KCNQ3: variants seen among roughly 807,000 people sequenced by gnomAD.
KCNQ3 encodes the protein potassium voltage-gated channel subfamily Q member 3.
A neutral mutation model predicts 92.5 loss-of-function variants in KCNQ3; 30 were observed. The ratio of observed to expected loss-of-function variants is 0.32; its 90% confidence interval spans 0.24 to 0.44. The LOEUF is 0.44. Ranked by LOEUF, KCNQ3 falls within the 20% of genes least tolerant of loss-of-function variation. The probability of loss-of-function intolerance (pLI) is 1.00; values close to 1 mark genes in which losing one functional copy is unlikely to be tolerated. For synonymous variants in KCNQ3, 450 were observed against 468.8 expected, an observed-to-expected ratio of 0.96 and a Z score of 0.52; for missense variants, 913 against 1,140.3, an observed-to-expected ratio of 0.80 and a Z score of 2.87.
At chr8:132,333,496 T>A (rs1280574550) in intron 1 of KCNQ3, among the ~76,000 whole-genome samples, 1 of 152,112 alleles carries the variant, frequency 6.6e-6, no homozygotes, top group Non-Finnish European at 1.5e-5. Flanking sequence ...TAATACCTTC[T>A]CACTGTAATG....
At chr8:132,205,961 C>T (rs1020644818) in intron 1 of KCNQ3, among the ~76,000 whole-genome samples, 1 of 152,090 alleles carries the variant, frequency 6.6e-6, no homozygotes, top group African/African-American at 2.4e-5. Context: ...GGAGAGAAGA[C>T]TTTGGTATGT....
chr8:132,467,681 T>C (rs1822205163), intron 1 of KCNQ3, among the ~76,000 whole-genome samples: 1 of 152,182 alleles, frequency 6.6e-6, no homozygotes, highest in South Asian at 2.1e-4. Flanking sequence ...AATAAGAAAA[T>C]GTGGCCCTGA....
chr8:132,129,596 G>A lies in KCNQ3; in HGVS notation c.2285C>T (p.Ser762Phe), dbSNP rs756976785. The A allele has an allele frequency of 6.2e-7, 1 of 1,614,188 alleles. No individual in the cohort carries two copies. The highest frequency in any genetic ancestry group is 2.2e-5 in the East Asian group (1 of 44,870). Residue 762 changes from serine (S) to phenylalanine (F), a missense_variant, in exon 15 of 15, where the codon TCC becomes TTC. Physicochemically the swap from Ser to Phe is radical, Grantham distance 155. Transcript: ENST00000388996. The surrounding 1 kb of genome is among the most constrained non-coding windows in gnomAD (Gnocchi z 5.9). ...TLLDSRVSCH[S>F]QADLQGPYSD... The stretch of plus-strand genomic sequence containing the variant: ...GTAGGGGCCCTGCAGGTCAGCCTGG[G>A]AGTGGCAGCTCACTCGGGAGTCGAG...
intron 1 of KCNQ3, among the ~76,000 whole-genome samples, chr8:132,466,777 A>G (rs1442026912): frequency 6.6e-6 from 1 of 152,162 alleles, no homozygotes; most frequent in Non-Finnish European, 1.5e-5. Flanking sequence ...CTCTTTTTAT[A>G]CTTTATATAG....
intron 1 of KCNQ3, among the ~76,000 whole-genome samples, chr8:132,374,491 C>T (rs59083631): frequency 0.069 from 10,505 of 152,230 alleles, 413 homozygotes; most frequent in South Asian, 0.15. Context: ...CTGGCACTTG[C>T]GGCACACACC....
intron 1 of KCNQ3, among the ~76,000 whole-genome samples, chr8:132,196,123 A>C (rs1382851443): frequency 6.6e-6 from 1 of 152,188 alleles, no homozygotes; most frequent in Non-Finnish European, 1.5e-5. Context: ...AAAATGTGGC[A>C]GGCCTTTCAA....
chr8:132,433,738 A>T (rs1037870975), intron 1 of KCNQ3, among the ~76,000 whole-genome samples: 2 of 151,956 alleles, frequency 1.3e-5, no homozygotes, highest in African/African-American at 4.8e-5. Flanking sequence ...AAAAGTACCA[A>T]AATTAGCTGG....
Position 132,154,192 on chromosome 8 carries a change from A to ATTTTTTTTTTTTTTT in KCNQ3, c.1262+9275_1262+9276insAAAAAAAAAAAAAAA, listed in dbSNP as rs1563775830. ...CCTGATGTACCATCAAAAGGGTAAA[A>ATTTTTTTTTTTTTTT]GTTTTTTTTTTTTTTTTTTTTTTTT... is the stretch of plus-strand genomic sequence containing the variant. On this transcript the variant is annotated intron_variant, in intron 9 of 14. Transcript: ENST00000388996. 5.5e-3 allele frequency among the ~76,000 whole-genome samples: 577 copies of ATTTTTTTTTTTTTTT among 104,444 alleles called. 20 individuals carry two copies. The highest frequency in any genetic ancestry group is 0.01 in the African/African-American group (314 of 30,310). The allele number at this position is 104,444 out of a possible 152,430, so 68.5% of individuals were successfully genotyped here. A position where few individuals can be genotyped will look rare whatever the true frequency, so the allele number is the denominator to read the frequency against.
At chr8:132,179,307 C>A (rs1826673306) in intron 4 of KCNQ3, among the ~76,000 whole-genome samples, 1 of 151,990 alleles carries the variant, frequency 6.6e-6, no homozygotes, top group Non-Finnish European at 1.5e-5. Context: ...AAGGAATGGA[C>A]TGAGTTCCAT....
intron 1 of KCNQ3, among the ~76,000 whole-genome samples, chr8:132,342,847 G>A (rs1477177700): frequency 2.6e-5 from 4 of 152,158 alleles, no homozygotes; most frequent in African/African-American, 7.2e-5. Flanking sequence ...TGAATAAATT[G>A]GGCATAGATT....
chr8:132,139,791 C>A (rs900110081), intron 11 of KCNQ3, among the ~76,000 whole-genome samples: 1 of 152,142 alleles, frequency 6.6e-6, no homozygotes, highest in Non-Finnish European at 1.5e-5. Flanking sequence ...TAGTTACAGA[C>A]AGAGCAGAAC....
chr8:132,424,676 G>T (rs1407811907), intron 1 of KCNQ3, among the ~76,000 whole-genome samples: 1 of 152,210 alleles, frequency 6.6e-6, no homozygotes. Context: ...GGAGGCAGAG[G>T]TCTGCCATCA....
intron 1 of KCNQ3, among the ~76,000 whole-genome samples, chr8:132,195,305 C>T (rs1827271548): frequency 6.6e-6 from 1 of 152,216 alleles, no homozygotes; most frequent in South Asian, 2.1e-4. Context: ...TCTCTTAATA[C>T]TATCTTAATA....
intron 1 of KCNQ3, among the ~76,000 whole-genome samples, chr8:132,332,397 C>T (rs989524942): frequency 2.0e-5 from 3 of 152,232 alleles, no homozygotes; most frequent in Non-Finnish European, 4.4e-5. Context: ...CATTATTCTC[C>T]TGCAGAAGGC....
chr8:132,136,521 A>AG (rs1421979649), intron 12 of KCNQ3, among the ~76,000 whole-genome samples: 1 of 152,204 alleles, frequency 6.6e-6, no homozygotes, highest in African/African-American at 2.4e-5. Flanking sequence ...GCAGTCTCTC[A>AG]GGGGAAGTCT....
chr8:132,292,031 TCATTGCCCACA>T (rs1339038398), intron 1 of KCNQ3, among the ~76,000 whole-genome samples: 9 of 152,214 alleles, frequency 5.9e-5, no homozygotes, highest in African/African-American at 2.2e-4. Context: ...CAGAAATTGT[TCATTGCCCACA>T]CATTTAAGAG....
In KCNQ3 at chr8:132,132,240, T is replaced by C; in HGVS notation, c.1824A>G (p.Pro608=). The C allele has an allele frequency of 6.2e-7, 1 of 1,613,478 alleles. No homozygotes were observed. The highest frequency in any genetic ancestry group is 8.5e-7 in the Non-Finnish European group (1 of 1,179,360). ...SPRNEPYVAR[P]STSEIEDQSM... ...TTTGGTCTTCGATTTCTGATGTGGATGGTCTGGCTACATATGGTTCATTCC... is the reference window on the plus strand; with the variant it reads ...TTTGGTCTTCGATTTCTGATGTGGACGGTCTGGCTACATATGGTTCATTCC... The change falls in exon 14 of 15, where the codon CCA becomes CCG. Residue 608 remains proline, a synonymous_variant. Transcript: ENST00000388996.
rs113189344 is a variant in KCNQ3, at chr8:132,226,180, A to G, written c.387-39999T>C. Among the ~76,000 whole-genome samples, 803 of 152,184 alleles carry G rather than the reference A, an allele frequency of 5.3e-3. 8 individuals are homozygous for G. Among genetic ancestry groups the G allele is most frequent in the African/African-American group, 0.018 (768 of 41,538 alleles). On this transcript the variant is annotated intron_variant, in intron 1 of 14. Coordinates refer to ENST00000388996, the MANE Select transcript of KCNQ3 (RefSeq NM_004519.4). ...CAGCTACTTGAGAGGCTGAGGCAGC[A>G]GAATGGCGTGAACCTGGGAGGCAGA...
intron 1 of KCNQ3, among the ~76,000 whole-genome samples, chr8:132,267,219 A>G (rs12550771): frequency 0.45 from 67,921 of 151,994 alleles, 16,915 homozygotes; most frequent in East Asian, 0.68. Context: ...AAAAACTGGC[A>G]AAGAAAAAAT....
Sources: gnomAD v4.1 joint callset for allele counts (sites outside exome capture counted in the v4.1 genomes callset) on GRCh38, gnomAD v4.1.1 for gene constraint, Gnocchi (gnomAD v3.1) non-coding constraint, MANE v1.5 for transcripts, NCBI Gene and HGNC (gene_info 2026-07-23, HGNC 2026-07-21) for gene names.